The following GRIK2 variants were observed in gnomAD, a reference collection of about 807,000 sequenced individuals.
GRIK2 encodes the protein glutamate receptor ionotropic, kainate 2.
GRIK2 carries 32 observed loss-of-function variants against 100.3 expected under a neutral mutation model. The observed-to-expected ratio is 0.32, with a 90% CI of 0.24 to 0.43. GRIK2 has a LOEUF of 0.43. GRIK2 is among the 20% of genes least tolerant of loss of function. GRIK2 has a pLI of 1.00. For synonymous variants in GRIK2, 417 were observed against 389.4 expected (o/e 1.07, Z -0.83); for missense variants, 843 against 1,114.9 (o/e 0.76, Z 3.47).
At chr6:101,726,313 A>G (rs1490354061) in intron 7 of GRIK2, among the ~76,000 whole-genome samples, 1 of 152,062 alleles carries the variant, frequency 6.6e-6, no homozygotes, top group African/African-American at 2.4e-5. Context: ...GATTCAGAAG[A>G]TTATAGCAGT....
chr6:101,710,316 C>T (rs1423210773), intron 7 of GRIK2, among the ~76,000 whole-genome samples: 6 of 151,778 alleles, frequency 4.0e-5, no homozygotes, highest in Non-Finnish European at 8.8e-5. Context: ...TTGCTGCTTA[C>T]TGGCTGTGGG....
intron 2 of GRIK2, among the ~76,000 whole-genome samples, chr6:101,572,120 G>A (rs1777567979): frequency 2.0e-5 from 3 of 151,534 alleles, no homozygotes; most frequent in Admixed American, 1.3e-4. Context: ...TTACTTTCTA[G>A]CTTTGTCATT....
chr6:101,772,952 A>C (rs941218200), intron 7 of GRIK2, among the ~76,000 whole-genome samples: 4 of 152,110 alleles, frequency 2.6e-5, no homozygotes, highest in African/African-American at 9.7e-5. Flanking sequence ...CAACCACATA[A>C]TTGTATTTGT....
intron 2 of GRIK2, among the ~76,000 whole-genome samples, chr6:101,513,691 A>G (rs1774434502): frequency 6.6e-6 from 1 of 152,188 alleles, no homozygotes; most frequent in Admixed American, 6.6e-5. Flanking sequence ...TTTGTAGGCC[A>G]TGACTCCCCA....
chr6:102,018,569 G>C (rs1006109779), intron 14 of GRIK2, among the ~76,000 whole-genome samples: 2 of 151,976 alleles, frequency 1.3e-5, no homozygotes, highest in Non-Finnish European at 2.9e-5. Context: ...TATCAGCTTA[G>C]GATTTTCCAC....
At position 102,068,466 on chromosome 6, in the gene GRIK2, C is replaced by T. The variant is rs201344438; in HGVS notation, c.2682C>T (p.His894=). 2 of 1,611,918 alleles carry T rather than the reference C, an allele frequency of 1.2e-6. No homozygotes were observed. Among genetic ancestry groups the T allele is most frequent in the African/African-American group, 2.7e-5 (2 of 74,856 alleles). ...IVKTEEVINM[H]TFNDRRLPGK... ...AAACAGAAGAAGTTATCAACATGCA[C>T]ACATTTAACGACAGAAGGTTGCCAG... Residue 894 remains histidine, a synonymous_variant, in exon 17 of 17, where the codon CAC becomes CAT. Coordinates refer to ENST00000369134, the MANE Select transcript of GRIK2 (RefSeq NM_021956.5).
intron 7 of GRIK2, among the ~76,000 whole-genome samples, chr6:101,757,473 C>T (rs1320807208): frequency 6.6e-6 from 1 of 152,152 alleles, no homozygotes; most frequent in Non-Finnish European, 1.5e-5. Flanking sequence ...GTGAAGCACT[C>T]TACATGCATT....
intron 7 of GRIK2, among the ~76,000 whole-genome samples, chr6:101,791,458 G>GT (rs1562389011): frequency 6.6e-6 from 1 of 152,026 alleles, no homozygotes; most frequent in Non-Finnish European, 1.5e-5. Flanking sequence ...CCTTCATTTC[G>GT]TTATGTACCC....
rs751166491 is a variant in GRIK2, at chr6:101,495,513, GTAAATAAA to G, written c.115+96137_115+96144del. Among the ~76,000 whole-genome samples, 5 of 151,638 alleles carry G rather than the reference GTAAATAAA, an allele frequency of 3.3e-5. No individual in the cohort carries two copies. In the South Asian group the frequency reaches 8.3e-4, roughly 25 times the overall value. ...AGAGCAAGACTCCGTCTCAAAATAAGTAAATAAATAAATAAATAAATAAGATGCAGATA... is the reference window on the plus strand; with the variant it reads ...AGAGCAAGACTCCGTCTCAAAATAAGTAAATAAATAAATAAGATGCAGATA... On this transcript the variant is annotated intron_variant, in intron 2 of 16. Transcript: ENST00000369134.
At chr6:101,442,595 A>G in intron 2 of GRIK2, among the ~76,000 whole-genome samples, 1 of 152,304 alleles carries the variant, frequency 6.6e-6, no homozygotes, top group African/African-American at 2.4e-5. Context: ...TATAAAACAC[A>G]AAGAGTGATG....
intron 2 of GRIK2, among the ~76,000 whole-genome samples, chr6:101,563,979 T>C (rs1777142215): frequency 6.6e-6 from 1 of 152,228 alleles, no homozygotes; most frequent in African/African-American, 2.4e-5. Flanking sequence ...TATTTTACCA[T>C]ACTATTTATG....
At chr6:101,468,929 A>G (rs917500424) in intron 2 of GRIK2, among the ~76,000 whole-genome samples, 6 of 152,152 alleles carry the variant, frequency 3.9e-5, no homozygotes, top group Non-Finnish European at 8.8e-5. Context: ...ATTTTGTTGG[A>G]CAACAGTGAA....
chr6:101,880,809 T>A (rs916747769), intron 11 of GRIK2, among the ~76,000 whole-genome samples: 1 of 151,984 alleles, frequency 6.6e-6, no homozygotes, highest in South Asian at 2.1e-4. Flanking sequence ...ACATAGTAGC[T>A]AACAACATCC....
At chr6:101,664,938 T>C (rs781545818) in intron 4 of GRIK2, among the ~76,000 whole-genome samples, 1 of 152,158 alleles carries the variant, frequency 6.6e-6, no homozygotes, top group South Asian at 2.1e-4. Context: ...GAGAACAGTA[T>C]AGAAAAACCC....
intron 11 of GRIK2, among the ~76,000 whole-genome samples, chr6:101,875,274 G>A (rs60879746): frequency 0.075 from 11,451 of 151,748 alleles, 1,122 homozygotes; most frequent in African/African-American, 0.23. Context: ...TTTACAAATC[G>A]GTGGACAAGA....
At chr6:101,461,854 C>T (rs79876923) in intron 2 of GRIK2, among the ~76,000 whole-genome samples, 15,388 of 152,086 alleles carry the variant, frequency 0.1, 810 homozygotes, top group South Asian at 0.11. Context: ...TTGTTTTATA[C>T]GTCCTAAAGC....
intron 2 of GRIK2, among the ~76,000 whole-genome samples, chr6:101,486,550 C>G (rs916968466): frequency 6.6e-6 from 1 of 152,030 alleles, no homozygotes; most frequent in Non-Finnish European, 1.5e-5. Context: ...AGCATTAGGA[C>G]CACCTTAACC....
intron 2 of GRIK2, among the ~76,000 whole-genome samples, chr6:101,577,276 G>C (rs916903971): frequency 5.9e-5 from 9 of 151,962 alleles, no homozygotes; most frequent in Middle Eastern, 3.5e-3. Flanking sequence ...TAATTAAAGT[G>C]ACTTTTTTTA....
At chr6:101,760,414 AT>A (rs1209370205) in intron 7 of GRIK2, among the ~76,000 whole-genome samples, 6 of 38,518 alleles carry the variant, frequency 1.6e-4, no homozygotes, top group African/African-American at 3.6e-4. Context: ...TATTTATTAT[AT>A]ATAATTAATT....
Sources: allele counts gnomAD v4.1 joint callset (sites outside exome capture counted in the v4.1 genomes callset), GRCh38; gene constraint gnomAD v4.1.1; transcripts MANE v1.5; gene names NCBI Gene and HGNC (gene_info 2026-07-23, HGNC 2026-07-21).